The following PTPRN2 variants were observed in gnomAD, a reference collection of about 807,000 sequenced individuals.
PTPRN2 encodes protein tyrosine phosphatase receptor type N2.
A neutral mutation model predicts 118.8 loss-of-function variants in PTPRN2; 74 were observed. The ratio of observed to expected loss-of-function variants is 0.62; its 90% CI spans 0.52 to 0.76. The LOEUF (loss-of-function observed/expected upper bound fraction) is 0.76. Among genes scored for constraint, PTPRN2 ranks in the 30% least tolerant of loss-of-function variants. PTPRN2 has a pLI of 0.00. For missense variants in PTPRN2, 1,481 were observed against 1,394.4 expected (o/e 1.06, Z -0.99); for synonymous variants, 641 against 608.0 (o/e 1.05, Z -0.80).
At chr7:158,430,852 G>A (rs1334622415) in intron 2 of PTPRN2, among the ~76,000 whole-genome samples, 1 of 152,174 alleles carries the variant, frequency 6.6e-6, no homozygotes, top group Non-Finnish European at 1.5e-5. Context: ...AGGGGGAAGA[G>A]CCCCCCACAC....
chr7:158,246,770 G>A lies in PTPRN2; in HGVS notation c.278-41497C>T, dbSNP rs561438932. ...CGACGACAGTGAATCCAGGGGTGAC[G>A]TCCCCCAGGCGTGTGCTTCCCATGG... On this transcript the variant is annotated intron_variant, in intron 3 of 22. Coordinates refer to ENST00000389418, the MANE Select transcript of PTPRN2 (RefSeq NM_002847.5). Among the ~76,000 whole-genome samples, 218 of 152,066 alleles carry A rather than the reference G, an allele frequency of 1.4e-3. 2 individuals carry two copies. Among genetic ancestry groups the A allele is most frequent in the Admixed American group, 2.7e-3 (42 of 15,278 alleles).
At chr7:158,400,071 G>A (rs974860930) in intron 2 of PTPRN2, among the ~76,000 whole-genome samples, 1 of 152,154 alleles carries the variant, frequency 6.6e-6, no homozygotes, top group African/African-American at 2.4e-5. Context: ...GTGAGGAGAG[G>A]AAGTAAACGC....
At chr7:158,490,481 C>T (rs1821367853) in intron 1 of PTPRN2, among the ~76,000 whole-genome samples, 1 of 152,224 alleles carries the variant, frequency 6.6e-6, no homozygotes, top group East Asian at 1.9e-4. Flanking sequence ...GCCACGCATC[C>T]CCCGCGGCCG....
intron 10 of PTPRN2, among the ~76,000 whole-genome samples, chr7:158,091,309 G>A (rs768898659): frequency 1.3e-5 from 2 of 152,210 alleles, no homozygotes; most frequent in African/African-American, 2.4e-5. Flanking sequence ...AAAGAAGATA[G>A]CCAAGGCATA....
At position 157,596,376 on chromosome 7, in the gene PTPRN2, C is replaced by T. The variant is rs1197563364; in HGVS notation, c.2419-1061G>A. On this transcript the variant is annotated intron_variant, in intron 16 of 22. Coordinates refer to ENST00000389418, the MANE Select transcript of PTPRN2 (RefSeq NM_002847.5). The surrounding 1 kb of genome is among the most constrained non-coding windows in gnomAD (Gnocchi z 4.2). ...AGGCAGGGACCAGAAACAAAGAGGG[C>T]AGGTGTGGGCTCTCCGGCTCCCCAG... Among the ~76,000 whole-genome samples the T allele has an allele frequency of 6.6e-6, 1 of 152,206 alleles. No individual in the cohort carries two copies. Among genetic ancestry groups the T allele is most frequent in the Non-Finnish European group, 1.5e-5 (1 of 68,032 alleles).
At chr7:157,982,225 G>T (rs1482473624) in intron 11 of PTPRN2, among the ~76,000 whole-genome samples, 1 of 147,446 alleles carries the variant, frequency 6.8e-6, no homozygotes, top group Admixed American at 7.0e-5. Context: ...AGATGAGGAG[G>T]GGAATGCAGA....
In PTPRN2 at chr7:157,618,161, C is replaced by G. The variant is rs1802912378; in HGVS notation, c.2344+3201G>C. On this transcript the variant is annotated intron_variant, in intron 15 of 22. Transcript: ENST00000389418. The surrounding 1 kb of genome is among the most constrained non-coding windows in gnomAD (Gnocchi z 4.2). ...TGGGAAGTCGGGCGACTGTGTCCAT[C>G]TCCTGGGTGGAAGAATGACCCAGGG... is the stretch of plus-strand genomic sequence containing the variant. 1 of 152,242 alleles carries G rather than the reference C, an allele frequency of 6.6e-6. No individual in the cohort carries two copies. The highest frequency in any genetic ancestry group is 2.1e-4 in the South Asian group (1 of 4,826). 9.4% of individuals were successfully genotyped at this position (152,242 alleles called of 1,614,324 possible). A position where few individuals can be genotyped will look rare whatever the true frequency, so the allele number is the denominator to read the frequency against.
rs780304864 is a variant in PTPRN2 at position 157,784,365 on chromosome 7, G to A, written c.1789-101428C>T. Among the ~76,000 whole-genome samples the A allele has an allele frequency of 4.6e-5, 7 of 152,092 alleles. No individual in the cohort carries two copies. Among genetic ancestry groups the A allele is most frequent in the Non-Finnish European group, 8.8e-5 (6 of 68,016 alleles). On this transcript the variant is annotated intron_variant, in intron 12 of 22. Transcript: ENST00000389418. The surrounding 1 kb of genome is among the most constrained non-coding windows in gnomAD (Gnocchi z 4.6). ...GCAGCCCCTCGAACCTTCACCCGGG[G>A]CTCGTTTGCTGCTTCACACTGGAGG...
intron 2 of PTPRN2, among the ~76,000 whole-genome samples, chr7:158,483,632 A>T (rs1159824478): frequency 6.6e-6 from 1 of 152,158 alleles, no homozygotes. Flanking sequence ...ATTTTCAACC[A>T]TCTTGTTTTG....
chr7:158,161,812 A>G (rs1482117758), intron 6 of PTPRN2, among the ~76,000 whole-genome samples: 1 of 139,152 alleles, frequency 7.2e-6, no homozygotes, highest in East Asian at 2.3e-4. Context: ...GACTGGAGAA[A>G]ATGTTTACAA....
chr7:157,864,241 C>G (rs1315023976), intron 12 of PTPRN2: 1 of 152,324 alleles, frequency 6.6e-6, no homozygotes, highest in Non-Finnish European at 1.5e-5. Flanking sequence ...TCACTGGGCA[C>G]CATCCAGATC....
chr7:158,327,956 A>T (rs1481283838), intron 2 of PTPRN2, among the ~76,000 whole-genome samples: 1 of 152,122 alleles, frequency 6.6e-6, no homozygotes, highest in Non-Finnish European at 1.5e-5. Context: ...ACAAGAAAAA[A>T]ATCTCCCCAG....
rs775037169 is a variant in PTPRN2 at position 157,875,207 on chromosome 7, C to CA, written c.1788+23465dup. On this transcript the variant is annotated intron_variant, in intron 12 of 22. Coordinates refer to ENST00000389418, the MANE Select transcript of PTPRN2 (RefSeq NM_002847.5). ...ATTTTCGAAATGCTGAATTTTGCTG[C>CA]AAAGTTTTCCTAAAGGGCTTGGAAA... 1.3e-3 allele frequency among the ~76,000 whole-genome samples: 195 copies of CA among 152,320 alleles called. 2 individuals are homozygous for CA. The highest frequency in any genetic ancestry group is 3.4e-3 in the Middle Eastern group (1 of 294).
In PTPRN2 at chr7:157,980,327, G is replaced by A. The variant is rs1029458499; in HGVS notation, c.1724-81590C>T. 2.6e-5 allele frequency among the ~76,000 whole-genome samples: 4 copies of A among 152,340 alleles called. No individual in the cohort carries two copies. The East Asian group carries it at 7.7e-4, about 29-fold the overall frequency. On this transcript the variant is annotated intron_variant, in intron 11 of 22. Transcript: ENST00000389418. ...CTGTCTCTTTTTATGTCAACTTACA[G>A]GGAAGAACATTCTCCAAATATCTTA...
In PTPRN2 at chr7:158,325,774, G is replaced by A. The variant is rs566946318; in HGVS notation, c.164-8842C>T. 1.4e-4 allele frequency among the ~76,000 whole-genome samples: 21 copies of A among 152,228 alleles called. 1 individual carries two copies. In the South Asian group the frequency reaches 4.4e-3, roughly 32 times the overall value. ...CGGAGCAAGCACTAGCACGTTCCAG[G>A]GCTGGGCAGGGACTGCGACCATTTC... On this transcript the variant is annotated intron_variant, in intron 2 of 22. Transcript: ENST00000389418.
intron 11 of PTPRN2, among the ~76,000 whole-genome samples, chr7:157,901,161 A>C (rs554293533): frequency 1.3e-5 from 2 of 152,304 alleles, no homozygotes; most frequent in Admixed American, 6.5e-5. Flanking sequence ...CAGCTCTCAC[A>C]GGAGTTAAGA....
intron 11 of PTPRN2, among the ~76,000 whole-genome samples, chr7:158,071,612 C>T (rs1238590184): frequency 2.2e-3 from 68 of 30,550 alleles, no homozygotes; most frequent in East Asian, 2.1e-3. Flanking sequence ...TGGAGGTGCT[C>T]GTGGTGGAGG....
intron 11 of PTPRN2, among the ~76,000 whole-genome samples, chr7:157,982,321 C>A (rs1324853456): frequency 0.061 from 310 of 5,072 alleles, 4 homozygotes; most frequent in Non-Finnish European, 0.062. Context: ...AGTCATAGAG[C>A]CAAGGAGGGG....
intron 3 of PTPRN2, among the ~76,000 whole-genome samples, chr7:158,286,001 C>T (rs1374658510): frequency 6.6e-6 from 1 of 152,184 alleles, no homozygotes; most frequent in African/African-American, 2.4e-5. Flanking sequence ...AGCAGCAGGG[C>T]AGACCACGAG....
Sources: gnomAD v4.1 joint callset for allele counts (sites outside exome capture counted in the v4.1 genomes callset) on GRCh38, gnomAD v4.1.1 for gene constraint, Gnocchi (gnomAD v3.1) non-coding constraint, MANE v1.5 for transcripts, NCBI Gene and HGNC (gene_info 2026-07-23, HGNC 2026-07-21) for gene names.